The following THSD7A variants were observed in gnomAD, a reference collection of about 807,000 sequenced individuals.
THSD7A encodes the protein thrombospondin type-1 domain-containing protein 7A.
THSD7A carries 96 observed loss-of-function variants against 231.3 expected under a neutral mutation model. The observed-to-expected ratio is 0.41, with a 90% CI of 0.35 to 0.49. The LOEUF (loss-of-function observed/expected upper bound fraction) is 0.49. Ranked by LOEUF, THSD7A falls within the 20% of genes least tolerant of loss-of-function variation. THSD7A has a pLI of 0.05. For missense variants in THSD7A, 2,290 were observed against 2,070.2 expected, an observed-to-expected ratio of 1.11 and a Z score of -2.06; for synonymous variants, 940 against 743.3, an observed-to-expected ratio of 1.26 and a Z score of -4.30.
At chr7:11,433,766 T>C in intron 13 of THSD7A, among the ~76,000 whole-genome samples, 1 of 152,082 alleles carries the variant, frequency 6.6e-6, no homozygotes, top group Admixed American at 6.6e-5. Context: ...TTGTTTTTGA[T>C]TGAAATATTA....
At chr7:11,458,668 C>G (rs924263437) in intron 11 of THSD7A, among the ~76,000 whole-genome samples, 34 of 152,172 alleles carry the variant, frequency 2.2e-4, no homozygotes, top group African/African-American at 8.2e-4. Flanking sequence ...AGGAGAAAGT[C>G]GCACACTGAA....
At position 11,502,102 on chromosome 7, in the gene THSD7A, G is replaced by T. The variant is rs369683167; in HGVS notation, c.1823-20120C>A. 1.3e-4 allele frequency among the ~76,000 whole-genome samples: 20 copies of T among 152,060 alleles called. No individual in the cohort carries two copies. The East Asian group carries it at 2.7e-3, about 21-fold the overall frequency. ...AGGAAAAAAATTGATTCCTTGAAAA[G>T]ACCAATAATGAGCTCTGAAATTAAA... On this transcript the variant is annotated intron_variant, in intron 6 of 27. Coordinates refer to ENST00000423059, the MANE Select transcript of THSD7A (RefSeq NM_015204.3).
At chr7:11,396,285 C>G (rs1050466629) in intron 23 of THSD7A, among the ~76,000 whole-genome samples, 1 of 151,824 alleles carries the variant, frequency 6.6e-6, no homozygotes, top group African/African-American at 2.4e-5. Flanking sequence ...CAAGAAATAA[C>G]TAAGAGCAGA....
chr7:11,466,865 T>C (rs1417849989), intron 9 of THSD7A, among the ~76,000 whole-genome samples: 1 of 151,984 alleles, frequency 6.6e-6, no homozygotes, highest in African/African-American at 2.4e-5. Flanking sequence ...TTACAGAGGT[T>C]TCCTACCTTC....
rs377092163 is a variant in THSD7A at position 11,634,885 on chromosome 7, A to G, written c.1022+1245T>C. ...AATTAAACTATATCCTTTTCCAAAAACACTTTAAACCAGATTTCAAAATCT... is the reference window on the plus strand; with the variant it reads ...AATTAAACTATATCCTTTTCCAAAAGCACTTTAAACCAGATTTCAAAATCT... On this transcript the variant is annotated intron_variant, in intron 2 of 27. Coordinates refer to ENST00000423059, the MANE Select transcript of THSD7A (RefSeq NM_015204.3). The surrounding 1 kb of genome is among the most constrained non-coding windows in gnomAD (Gnocchi z 4.1). Among the ~76,000 whole-genome samples the G allele has an allele frequency of 3.3e-5, 5 of 152,276 alleles. No individual in the cohort carries two copies. The highest frequency in any genetic ancestry group is 1.2e-4 in the African/African-American group (5 of 41,558).
At chr7:11,623,023 G>T (rs988971061) in intron 2 of THSD7A, among the ~76,000 whole-genome samples, 1 of 152,122 alleles carries the variant, frequency 6.6e-6, no homozygotes, top group African/African-American at 2.4e-5. Context: ...AGTAATTCAT[G>T]ATTTTGTAAC....
At chr7:11,599,502 T>A (rs1037272765) in intron 2 of THSD7A, among the ~76,000 whole-genome samples, 4 of 152,244 alleles carry the variant, frequency 2.6e-5, no homozygotes, top group Admixed American at 1.3e-4. Context: ...GTCTTCATTT[T>A]ATTTCCTTTT....
At chr7:11,797,615 C>T (rs1391406686) in intron 1 of THSD7A, among the ~76,000 whole-genome samples, 1 of 151,810 alleles carries the variant, frequency 6.6e-6, no homozygotes, top group East Asian at 1.9e-4. Context: ...GACAGAACCT[C>T]ACTATGTTGT....
Position 11,533,534 on chromosome 7 carries a change from C to T in THSD7A, c.1822+7885G>A, listed in dbSNP as rs191690081. Among the ~76,000 whole-genome samples, 5 of 152,222 alleles carry T rather than the reference C, an allele frequency of 3.3e-5. No individual in the cohort carries two copies. In the South Asian group the frequency reaches 6.2e-4, roughly 19 times the overall value. ...TAGATTGGATAAAGAAAATGTGGGA[C>T]ACATACACCATGGGATACTGCAGCC... On this transcript the variant is annotated intron_variant, in intron 6 of 27. Transcript: ENST00000423059.
At chr7:11,466,738 G>A (rs1785722360) in intron 9 of THSD7A, among the ~76,000 whole-genome samples, 1 of 152,084 alleles carries the variant, frequency 6.6e-6, no homozygotes, top group Admixed American at 6.6e-5. Context: ...GCCGCTTAGA[G>A]AGCCTCTTGC....
chr7:11,581,148 C>T (rs1791142460), intron 4 of THSD7A, among the ~76,000 whole-genome samples: 1 of 151,800 alleles, frequency 6.6e-6, no homozygotes, highest in African/African-American at 2.4e-5. Flanking sequence ...TTGAAGCAAC[C>T]AAATAATTAA....
At position 11,679,814 on chromosome 7, in the gene THSD7A, CT is replaced by C. The variant is rs146734681; in HGVS notation, c.191-42854del. 6.0e-3 allele frequency among the ~76,000 whole-genome samples: 920 copies of C among 152,108 alleles called. 5 individuals carry two copies. The highest frequency in any genetic ancestry group is 0.021 in the African/African-American group (878 of 41,516). On this transcript the variant is annotated intron_variant, in intron 1 of 27. Transcript: ENST00000423059. The stretch of plus-strand genomic sequence containing the variant: ...TAATGCTATCCTGATCAAGTTACCA[CT>C]GCCTTTCTTCATAGAATTGGAAAAA...
intron 2 of THSD7A, among the ~76,000 whole-genome samples, chr7:11,635,230 T>C (rs149475460): frequency 9.2e-4 from 140 of 152,194 alleles, no homozygotes; most frequent in African/African-American, 3.2e-3. Flanking sequence ...CTACAGTAAA[T>C]CTGATATACA....
intron 6 of THSD7A, among the ~76,000 whole-genome samples, chr7:11,520,507 A>T (rs1180015356): frequency 6.6e-6 from 1 of 152,192 alleles, no homozygotes; most frequent in Non-Finnish European, 1.5e-5. Context: ...TGCCACCAGG[A>T]TATAAAACCC....
chr7:11,696,610 C>A (rs1168397671), intron 1 of THSD7A, among the ~76,000 whole-genome samples: 1 of 151,146 alleles, frequency 6.6e-6, no homozygotes, highest in Non-Finnish European at 1.5e-5. Context: ...CGACAGGCCC[C>A]GCCAAATCAT....
rs115903934 is a variant in THSD7A at position 11,755,018 on chromosome 7, C to T, written c.190+76739G>A. ...GAACTATATATTGACAATACGCAGACACTAACAACACAAATTATATACATG... is the reference window on the plus strand; with the variant it reads ...GAACTATATATTGACAATACGCAGATACTAACAACACAAATTATATACATG... On this transcript the variant is annotated intron_variant, in intron 1 of 27. Transcript: ENST00000423059. Among the ~76,000 whole-genome samples, 982 of 152,150 alleles carry T rather than the reference C, an allele frequency of 6.5e-3. 5 individuals are homozygous for T. Among genetic ancestry groups the T allele is most frequent in the African/African-American group, 0.023 (937 of 41,526 alleles).
At chr7:11,601,375 T>A (rs1780547262) in intron 2 of THSD7A, among the ~76,000 whole-genome samples, 1 of 152,134 alleles carries the variant, frequency 6.6e-6, no homozygotes, top group Admixed American at 6.6e-5. Flanking sequence ...TGATAAAATA[T>A]CTCCTGAGAT....
At chr7:11,760,902 T>C (rs1353235686) in intron 1 of THSD7A, among the ~76,000 whole-genome samples, 1 of 150,266 alleles carries the variant, frequency 6.7e-6, no homozygotes, top group Non-Finnish European at 1.5e-5. Context: ...TATCTACTAA[T>C]GTTACATATT....
chr7:11,592,160 G>A (rs528135213), intron 3 of THSD7A, among the ~76,000 whole-genome samples: 2 of 152,264 alleles, frequency 1.3e-5, no homozygotes, highest in Admixed American at 1.3e-4. Context: ...CAGAGACATT[G>A]GGGAGGAAAT....
Sources: allele counts gnomAD v4.1 joint callset (sites outside exome capture counted in the v4.1 genomes callset), GRCh38; gene constraint gnomAD v4.1.1; non-coding constraint Gnocchi (gnomAD v3.1); transcripts MANE v1.5; gene names NCBI Gene and HGNC (gene_info 2026-07-23, HGNC 2026-07-21).